The following TOP2B variants were observed in gnomAD, a reference collection of about 807,000 sequenced individuals.
TOP2B encodes the protein DNA topoisomerase 2-beta.
TOP2B carries 51 observed loss-of-function variants against 193.5 expected under a neutral mutation model. The ratio of observed to expected loss-of-function variants is 0.26; its 90% confidence interval spans 0.21 to 0.33. The LOEUF (loss-of-function observed/expected upper bound fraction) is 0.33. Among genes scored for constraint, TOP2B ranks in the 10% least tolerant of loss-of-function variants. The pLI is 1.00. For synonymous variants in TOP2B, 634 were observed against 635.7 expected (o/e 1.00, Z 0.04); for missense variants, 1,378 against 1,909.3 (o/e 0.72, Z 5.19).
Position 25,612,498 on chromosome 3 carries a change from CAA to C in TOP2B, c.3786+15_3786+16del, listed in dbSNP as rs1484966398. On this transcript the variant is annotated intron_variant, in intron 28 of 35. Coordinates refer to ENST00000264331, the MANE Select transcript of TOP2B (RefSeq NM_001330700.2). ...ATTATAGAAATGAGTCTATCAATGA[CAA>C]GAGGTATGTCATACCTTCTTCTTCT... 1 of 1,569,982 alleles carries C rather than the reference CAA, an allele frequency of 6.4e-7. No individual in the cohort carries two copies. Among genetic ancestry groups the C allele is most frequent in the South Asian group, 1.2e-5 (1 of 84,296 alleles).
rs115120722 is a variant in TOP2B at position 25,632,652 on chromosome 3, C to T, written c.1128+41G>A. 2.3e-3 allele frequency: 3,619 copies of T among 1,595,644 alleles called. 64 individuals carry two copies. In the African/African-American group the frequency reaches 0.039, roughly 17 times the overall value. ...TTAGTAATTCAGTATATATATAATG[C>T]ATATGTATGCATCATGTACAATATA... On this transcript the variant is annotated intron_variant, in intron 9 of 35. Transcript: ENST00000264331.
chr3:25,643,575 A>C (rs1703324357), intron 3 of TOP2B, 119 bp downstream of exon 3: 1 of 686,332 alleles, frequency 1.5e-6, no homozygotes, highest in Non-Finnish European at 2.5e-6. Context: ...TATATTCAGA[A>C]GGATAAAAGC....
chr3:25,656,101 A>C (rs1412510110), intron 1 of TOP2B, among the ~76,000 whole-genome samples: 1 of 152,234 alleles, frequency 6.6e-6, no homozygotes, highest in East Asian at 1.9e-4. Context: ...CTCTAGGAAG[A>C]ACATAGAAAT....
At chr3:25,635,842 A>G (rs1703091461) in intron 7 of TOP2B, 94 bp downstream of exon 7, 1 of 1,007,304 alleles carries the variant, frequency 9.9e-7, no homozygotes, top group Admixed American at 2.5e-5. Flanking sequence ...ACACCAGTAA[A>G]AGAGACTACC....
rs138638299 is a variant in TOP2B, at chr3:25,600,610, T to C, written c.4615+490A>G. Among the ~76,000 whole-genome samples the C allele has an allele frequency of 1.3e-3, 205 of 152,318 alleles. 2 individuals carry two copies. Among genetic ancestry groups the C allele is most frequent in the African/African-American group, 4.7e-3 (195 of 41,570 alleles). On this transcript the variant is annotated intron_variant, in intron 34 of 35. Coordinates refer to ENST00000264331, the MANE Select transcript of TOP2B (RefSeq NM_001330700.2). ...CCTCATATCATGTCTTACAAACATATTTTACAAAACATCTTCAAGGGCTTT... is the reference window on the plus strand; with the variant it reads ...CCTCATATCATGTCTTACAAACATACTTTACAAAACATCTTCAAGGGCTTT...
intron 30 of TOP2B, among the ~76,000 whole-genome samples, chr3:25,608,310 T>A (rs1702286046): frequency 6.6e-6 from 1 of 152,236 alleles, no homozygotes; most frequent in Non-Finnish European, 1.5e-5. Context: ...ATTTCTAGCA[T>A]GTATTATGGA....
At position 25,636,161 on chromosome 3, in the gene TOP2B, A is replaced by G; in HGVS notation, c.640-13T>C. 1.3e-6 allele frequency: 2 copies of G among 1,509,398 alleles called. No individual in the cohort carries two copies. The highest frequency in any genetic ancestry group is 1.8e-6 in the Non-Finnish European group (2 of 1,112,292). The allele number at this position is 1,509,398 out of a possible 1,614,324, so 93.5% of individuals were successfully genotyped here. ...TATTCATCCATGTCTTTAAAAGAAA[A>G]AAATTCAAATATTTCTATAATGCTT... On this transcript the variant is annotated splice_polypyrimidine_tract_variant and intron_variant, in intron 6 of 35. Coordinates refer to ENST00000264331, the MANE Select transcript of TOP2B (RefSeq NM_001330700.2).
At chr3:25,632,165 A>G (rs999847442) in intron 10 of TOP2B, among the ~76,000 whole-genome samples, 3 of 152,096 alleles carry the variant, frequency 2.0e-5, no homozygotes, top group Admixed American at 2.0e-4. Flanking sequence ...GGATCTGGAC[A>G]TCTGTTAGGG....
At chr3:25,640,588 G>C (rs1376722017) in intron 4 of TOP2B, among the ~76,000 whole-genome samples, 1 of 151,966 alleles carries the variant, frequency 6.6e-6, no homozygotes, top group African/African-American at 2.4e-5. Context: ...AAAAATGTTT[G>C]CTGATTAAAA....
At chr3:25,637,359 A>G in intron 5 of TOP2B, 47 bp from the exon 6 acceptor site, 1 of 1,426,264 alleles carries the variant, frequency 7.0e-7, no homozygotes. Context: ...ATGATTTTAA[A>G]GGAACTTCGT....
At chr3:25,605,141 C>T (rs1702203890) in intron 32 of TOP2B, among the ~76,000 whole-genome samples, 1 of 151,924 alleles carries the variant, frequency 6.6e-6, no homozygotes. Flanking sequence ...ACATAACTGA[C>T]CAATTCAAAA....
chr3:25,623,772 GA>G, intron 20 of TOP2B, 26 bp from the exon 21 acceptor site: 1 of 1,472,826 alleles, frequency 6.8e-7, no homozygotes, highest in Non-Finnish European at 9.3e-7. Context: ...AGAAGCAAAT[GA>G]AAAAATGTCA....
Position 25,632,492 on chromosome 3 carries a change from T to C in TOP2B, c.1220A>G (p.Lys407Arg). 6.3e-7 allele frequency: 1 copy of C among 1,584,228 alleles called. No individual in the cohort carries two copies. The highest frequency in any genetic ancestry group is 8.6e-7 in the Non-Finnish European group (1 of 1,166,720). ...CAGCTGGCATTTAGACCCAAAACTT[T>C]TGGGCTGCAGAGTCATGTTTTCCTT... ...QTKENMTLQPKSFGSKCQLSE... is the reference protein window; with the variant it reads ...QTKENMTLQPRSFGSKCQLSE... Residue 407 changes from lysine to arginine, a missense_variant, in exon 10 of 36, where the codon AAA becomes AGA. Transcript: ENST00000264331.
At chr3:25,653,451 G>A (rs1470768895) in intron 1 of TOP2B, among the ~76,000 whole-genome samples, 1 of 151,674 alleles carries the variant, frequency 6.6e-6, no homozygotes, top group African/African-American at 2.4e-5. Context: ...CTGGAGTGCA[G>A]TGGCATGACA....
In TOP2B at chr3:25,618,776, A is replaced by C; in HGVS notation, c.3137T>G (p.Leu1046Ter). ...VQDILKEFFD[L>*]RLSYYGLRKE... ...ACGTAAACCGTAATAACTTAATCGT[A>C]AATCAAAGAATTCTTTCAGAATGTC... is the stretch of plus-strand genomic sequence containing the variant. The change falls in exon 24 of 36, where the codon TTA (leucine) becomes TGA (stop). Residue 1046 changes from leucine to a stop codon, truncating the protein, a stop_gained. Coordinates refer to ENST00000264331, the MANE Select transcript of TOP2B (RefSeq NM_001330700.2). LOFTEE classifies it high-confidence loss of function. 1 of 1,612,810 alleles carries C rather than the reference A, an allele frequency of 6.2e-7. No homozygotes were observed.
At chr3:25,660,998 ATTTT>A (rs11460770) in intron 1 of TOP2B, among the ~76,000 whole-genome samples, 2 of 131,478 alleles carry the variant, frequency 1.5e-5, no homozygotes, top group Admixed American at 7.7e-5. Context: ...TCTTAGGTTG[ATTTT>A]TTTTTTTTTT....
At chr3:25,662,152 G>A (rs1188244436) in intron 1 of TOP2B, among the ~76,000 whole-genome samples, 1 of 152,156 alleles carries the variant, frequency 6.6e-6, no homozygotes, top group Non-Finnish European at 1.5e-5. Context: ...TGCTACACAC[G>A]TTATCTCATT....
intron 34 of TOP2B, among the ~76,000 whole-genome samples, chr3:25,599,801 G>A (rs1169328730): frequency 6.6e-6 from 1 of 152,192 alleles, no homozygotes; most frequent in African/African-American, 2.4e-5. Flanking sequence ...TAAAACATTT[G>A]TATTTGCTAT....
At position 25,598,472 on chromosome 3, in the gene TOP2B, C is replaced by T. The variant is rs752476403; in HGVS notation, c.4716G>A (p.Pro1572=). ...AATCCTGATCAAAAGATGTCTTCTT[C>T]GGTTTCTAGATTTTTTTTCAATAGA... ...RKTSKTTSKK[P]KKTSFDQDSD... Residue 1572 remains proline (P), a synonymous_variant, in exon 36 of 36, where the codon CCG becomes CCA. Coordinates refer to ENST00000264331, the MANE Select transcript of TOP2B (RefSeq NM_001330700.2). The T allele has an allele frequency of 1.9e-5, 30 of 1,558,142 alleles. No individual in the cohort carries two copies. Among genetic ancestry groups the T allele is most frequent in the Admixed American group, 6.0e-5 (3 of 50,392 alleles).
Sources: allele counts gnomAD v4.1 joint callset (sites outside exome capture counted in the v4.1 genomes callset), GRCh38; gene constraint gnomAD v4.1.1; transcripts MANE v1.5; gene names NCBI Gene and HGNC (gene_info 2026-07-23, HGNC 2026-07-21).